Variants in RUNDC3B observed in about 807,000 individuals in gnomAD.
RUNDC3B encodes the protein RUN domain-containing protein 3B.
Under a neutral mutation model 58.4 loss-of-function variants are expected in RUNDC3B, and 33 were observed. The observed-to-expected ratio is 0.56, with a 90% CI of 0.43 to 0.75. The LOEUF is 0.75. Ranked by LOEUF, RUNDC3B falls within the 30% of genes least tolerant of loss-of-function variation. The probability of loss-of-function intolerance (pLI) is 0.00; values close to 1 mark genes in which losing one functional copy is unlikely to be tolerated. For synonymous variants in RUNDC3B, 193 were observed against 195.2 expected (o/e 0.99, Z 0.10); for missense variants, 501 against 535.7 (o/e 0.94, Z 0.64).
At position 87,755,147 on chromosome 7, in the gene RUNDC3B, C is replaced by A. The variant is rs554337807; in HGVS notation, c.629+13568C>A. 2.7e-3 allele frequency among the ~76,000 whole-genome samples: 417 copies of A among 151,864 alleles called. 3 individuals carry two copies. Among genetic ancestry groups the A allele is most frequent in the African/African-American group, 9.6e-3 (397 of 41,402 alleles). ...AAGTGATTCTCCTGCCTCAGCCTCC[C>A]GAGTAGCTGGGACTACAAGTGCACA... On this transcript the variant is annotated intron_variant, in intron 6 of 10. Coordinates refer to ENST00000394654, the MANE Select transcript of RUNDC3B (RefSeq NM_001134405.2).
intron 4 of RUNDC3B, among the ~76,000 whole-genome samples, chr7:87,715,799 A>G (rs1830522991): frequency 6.6e-6 from 1 of 152,012 alleles, no homozygotes; most frequent in Admixed American, 6.6e-5. Context: ...TGGTGACTTG[A>G]TCAGAAAGGC....
At chr7:87,654,110 C>T (rs1413893696) in intron 2 of RUNDC3B, among the ~76,000 whole-genome samples, 1 of 151,826 alleles carries the variant, frequency 6.6e-6, no homozygotes, top group East Asian at 1.9e-4. Context: ...TATATGTGTT[C>T]ATAGATTGAA....
At chr7:87,754,107 A>T (rs1462724781) in intron 6 of RUNDC3B, among the ~76,000 whole-genome samples, 1 of 152,166 alleles carries the variant, frequency 6.6e-6, no homozygotes, top group Non-Finnish European at 1.5e-5. Flanking sequence ...ACTGATACTG[A>T]ACTTTCCACC....
At position 87,628,595 on chromosome 7, in the gene RUNDC3B, G is replaced by A; in HGVS notation, c.-229G>A. ...GTGGTGCGTGCGTGCGTGTGTGTGTGTGTGTGTGTGTGTGTGTGTGTGTGT... is the reference window on the plus strand; with the variant it reads ...GTGGTGCGTGCGTGCGTGTGTGTGTATGTGTGTGTGTGTGTGTGTGTGTGT... On this transcript the variant is annotated 5_prime_UTR_variant, in exon 1 of 11. In the 5' UTR this introduces an upstream ATG that the reference lacks. Coordinates refer to ENST00000394654, the MANE Select transcript of RUNDC3B (RefSeq NM_001134405.2). 4.8e-6 allele frequency: 1 copy of A among 210,224 alleles called. No individual in the cohort carries two copies. Among genetic ancestry groups the A allele is most frequent in the Non-Finnish European group, 9.0e-6 (1 of 111,096 alleles). The allele number at this position is 210,224 out of a possible 1,614,324, so 13.0% of individuals were successfully genotyped here. A position where few individuals can be genotyped will look rare whatever the true frequency, so the allele number is the denominator to read the frequency against.
intron 3 of RUNDC3B, among the ~76,000 whole-genome samples, chr7:87,702,165 A>AAC (rs1563145908): frequency 3.3e-5 from 5 of 149,804 alleles, no homozygotes; most frequent in African/African-American, 1.2e-4. Flanking sequence ...AAAAAAAAAA[A>AAC]AAAAAAACAG....
At chr7:87,789,162 A>G (rs1428752770) in intron 8 of RUNDC3B, among the ~76,000 whole-genome samples, 4 of 152,304 alleles carry the variant, frequency 2.6e-5, no homozygotes, top group Non-Finnish European at 5.9e-5. Flanking sequence ...ACAGCTTGCA[A>G]AGCTTGAACA....
At chr7:87,724,829 G>A (rs553569777) in intron 4 of RUNDC3B, among the ~76,000 whole-genome samples, 1 of 151,834 alleles carries the variant, frequency 6.6e-6, no homozygotes, top group Non-Finnish European at 1.5e-5. Flanking sequence ...CTCAACATTA[G>A]ATTACTTCGA....
chr7:87,656,617 A>G (rs1169660349), intron 2 of RUNDC3B, among the ~76,000 whole-genome samples: 1 of 152,202 alleles, frequency 6.6e-6, no homozygotes, highest in Non-Finnish European at 1.5e-5. Context: ...GAAAGACGTT[A>G]GAGGATACTC....
intron 6 of RUNDC3B, among the ~76,000 whole-genome samples, chr7:87,752,215 G>C (rs967581531): frequency 1.3e-5 from 2 of 152,140 alleles, no homozygotes; most frequent in Non-Finnish European, 2.9e-5. Flanking sequence ...TTGCATCCCA[G>C]GGATGAAGCC....
At chr7:87,712,633 G>A (rs1487667804) in intron 4 of RUNDC3B, among the ~76,000 whole-genome samples, 1 of 151,944 alleles carries the variant, frequency 6.6e-6, no homozygotes, top group Non-Finnish European at 1.5e-5. Context: ...ATTATTTTTA[G>A]AACAAGTAGT....
rs1414293845 is a variant in RUNDC3B, at chr7:87,628,701, A to G, written c.-123A>G. The G allele has an allele frequency of 1.8e-6, 1 of 566,886 alleles. No homozygotes were observed. Among genetic ancestry groups the G allele is most frequent in the Non-Finnish European group, 2.6e-6 (1 of 380,560 alleles). 35.1% of individuals were successfully genotyped at this position (566,886 alleles called of 1,614,324 possible). On this transcript the variant is annotated 5_prime_UTR_variant, in exon 1 of 11. Transcript: ENST00000394654. ...TGTCTTCCACACCCTTCCTCCCTCC[A>G]GGCTCCTTTCCTACATCCTTCCCGC...
intron 5 of RUNDC3B, 27 bp from the exon 6 acceptor site, chr7:87,741,472 G>T: frequency 8.2e-7 from 1 of 1,220,830 alleles, no homozygotes; most frequent in East Asian, 2.7e-5. Context: ...TATATTAATA[G>T]GAAATATTTA....
Position 87,786,426 on chromosome 7 carries a change from T to A in RUNDC3B, c.956+8471T>A, listed in dbSNP as rs546415518. Among the ~76,000 whole-genome samples, 14 of 152,128 alleles carry A rather than the reference T, an allele frequency of 9.2e-5. No individual in the cohort carries two copies. In the South Asian group the frequency reaches 1.0e-3, roughly 11 times the overall value. ...TTACATATTTTTTCTTCTTTTTTTT[T>A]AATGGTATTTTAAAGAGAGTTTGTC... On this transcript the variant is annotated intron_variant, in intron 8 of 10. Coordinates refer to ENST00000394654, the MANE Select transcript of RUNDC3B (RefSeq NM_001134405.2).
chr7:87,754,367 A>G (rs1213671267), intron 6 of RUNDC3B, among the ~76,000 whole-genome samples: 1 of 152,228 alleles, frequency 6.6e-6, no homozygotes, highest in Non-Finnish European at 1.5e-5. Context: ...ATTAAGATGG[A>G]AATCATGAAG....
At chr7:87,648,281 T>TC (rs1397951479) in intron 1 of RUNDC3B, among the ~76,000 whole-genome samples, 2 of 151,766 alleles carry the variant, frequency 1.3e-5, no homozygotes, top group Non-Finnish European at 2.9e-5. Context: ...AAATCATTGA[T>TC]CATGGGAATG....
intron 3 of RUNDC3B, 30 bp from the exon 4 acceptor site, chr7:87,710,540 T>C: frequency 7.4e-7 from 1 of 1,352,652 alleles, no homozygotes; most frequent in East Asian, 2.4e-5. Flanking sequence ...TTAATTTTTT[T>C]TATATTTGAT....
chr7:87,787,395 G>A (rs1297983640), intron 8 of RUNDC3B, among the ~76,000 whole-genome samples: 1 of 152,076 alleles, frequency 6.6e-6, no homozygotes. Context: ...ATACTGATAG[G>A]TAGAATATGA....
chr7:87,820,134 C>T (rs144383621), intron 10 of RUNDC3B, among the ~76,000 whole-genome samples: 3,747 of 152,110 alleles, frequency 0.025, 141 homozygotes, highest in African/African-American at 0.085. Context: ...AATCGTTAGA[C>T]CGCTAGCAAG....
At chr7:87,766,771 T>C (rs1438282639) in intron 6 of RUNDC3B, among the ~76,000 whole-genome samples, 1 of 152,134 alleles carries the variant, frequency 6.6e-6, no homozygotes, top group Non-Finnish European at 1.5e-5. Flanking sequence ...GAATTTCTTG[T>C]ATCTGAATGG....
Sources: gnomAD v4.1 joint callset for allele counts (sites outside exome capture counted in the v4.1 genomes callset) on GRCh38, gnomAD v4.1.1 for gene constraint, MANE v1.5 for transcripts, NCBI Gene and HGNC (gene_info 2026-07-23, HGNC 2026-07-21) for gene names.